Variants in ACVR1 observed in about 807,000 individuals in gnomAD.
The protein encoded by ACVR1 is activin receptor type-1.
A neutral mutation model predicts 57.1 loss-of-function variants in ACVR1; 38 were observed. The observed-to-expected ratio is 0.67, with a 90% confidence interval of 0.51 to 0.87. ACVR1 has a LOEUF of 0.87. Ranked by LOEUF, ACVR1 falls within the 40% of genes least tolerant of loss-of-function variation. The probability of loss-of-function intolerance (pLI) is 0.00; values close to 1 mark genes in which losing one functional copy is unlikely to be tolerated. For synonymous variants in ACVR1, 212 were observed against 228.1 expected, an observed-to-expected ratio of 0.93 and a Z score of 0.63; for missense variants, 463 against 638.2, an observed-to-expected ratio of 0.73 and a Z score of 2.96.
intron 1 of ACVR1, among the ~76,000 whole-genome samples, chr2:157,841,100 T>G (rs1162770861): frequency 6.6e-6 from 1 of 152,240 alleles, no homozygotes; most frequent in Non-Finnish European, 1.5e-5. Flanking sequence ...ACATACATGC[T>G]TACTCAATGC....
At chr2:157,770,101 G>A (rs1686017243) in intron 7 of ACVR1, among the ~76,000 whole-genome samples, 1 of 152,152 alleles carries the variant, frequency 6.6e-6, no homozygotes, top group Admixed American at 6.5e-5. Flanking sequence ...GCAAATTTTT[G>A]TTATTTAAAT....
At chr2:157,738,020 C>A (rs1338801296) in intron 10 of ACVR1, among the ~76,000 whole-genome samples, 1 of 152,136 alleles carries the variant, frequency 6.6e-6, no homozygotes, top group Non-Finnish European at 1.5e-5. Context: ...TTTATACCTG[C>A]TACTACTTAT....
intron 3 of ACVR1, among the ~76,000 whole-genome samples, chr2:157,783,861 T>C (rs1283687450): frequency 6.6e-6 from 1 of 152,188 alleles, no homozygotes; most frequent in Non-Finnish European, 1.5e-5. Context: ...TTTTTATATA[T>C]ACCCAAATAT....
At chr2:157,834,627 T>C (rs1251108341) in intron 1 of ACVR1, among the ~76,000 whole-genome samples, 1 of 152,148 alleles carries the variant, frequency 6.6e-6, no homozygotes. Context: ...TATGAATTCA[T>C]GCAGATGTAT....
intron 1 of ACVR1, among the ~76,000 whole-genome samples, chr2:157,836,705 T>A (rs1190654387): frequency 6.6e-6 from 1 of 152,116 alleles, no homozygotes; most frequent in African/African-American, 2.4e-5. Context: ...GAGTCCCCAG[T>A]CCCTACCGGG....
chr2:157,811,186 T>G (rs962790767), intron 2 of ACVR1, among the ~76,000 whole-genome samples: 4 of 152,184 alleles, frequency 2.6e-5, no homozygotes, highest in African/African-American at 2.4e-5. Flanking sequence ...CCTTCTCAGT[T>G]TCCTTGCATA....
chr2:157,816,536 G>A (rs1687943130), intron 2 of ACVR1, among the ~76,000 whole-genome samples: 1 of 151,954 alleles, frequency 6.6e-6, no homozygotes, highest in Non-Finnish European at 1.5e-5. Flanking sequence ...GTTTGAGGCT[G>A]CAGCGTGCCA....
At chr2:157,835,780 C>T (rs1688762715) in intron 1 of ACVR1, among the ~76,000 whole-genome samples, 1 of 152,212 alleles carries the variant, frequency 6.6e-6, no homozygotes, top group African/African-American at 2.4e-5. Flanking sequence ...GTAGGGTTTA[C>T]TGACAGAACA....
intron 9 of ACVR1, among the ~76,000 whole-genome samples, chr2:157,749,607 A>C (rs1385918682): frequency 1.3e-5 from 2 of 152,162 alleles, no homozygotes; most frequent in African/African-American, 4.8e-5. Flanking sequence ...ACAAAAAAGG[A>C]AGGAGGGTGG....
chr2:157,779,872 G>A (rs1458629552), intron 4 of ACVR1, among the ~76,000 whole-genome samples: 3 of 152,128 alleles, frequency 2.0e-5, no homozygotes, highest in Admixed American at 1.3e-4. Context: ...GGGAGAAGAG[G>A]TCAGTGAGCC....
At chr2:157,815,231 T>C (rs1687890936) in intron 2 of ACVR1, among the ~76,000 whole-genome samples, 1 of 152,206 alleles carries the variant, frequency 6.6e-6, no homozygotes, top group African/African-American at 2.4e-5. Flanking sequence ...ATGTATATTA[T>C]ATGCATGTAT....
chr2:157,789,739 G>A (rs1340244621), intron 3 of ACVR1, among the ~76,000 whole-genome samples: 2 of 152,250 alleles, frequency 1.3e-5, no homozygotes, highest in East Asian at 1.9e-4. Flanking sequence ...TTGGACTACT[G>A]AGAAATAATA....
chr2:157,844,647 C>T (rs528885547), intron 1 of ACVR1, among the ~76,000 whole-genome samples: 1 of 152,018 alleles, frequency 6.6e-6, no homozygotes, highest in Non-Finnish European at 1.5e-5. Context: ...TTCTGAAGCA[C>T]CACAGAGCTA....
At chr2:157,844,869 C>A (rs187004381) in intron 1 of ACVR1, among the ~76,000 whole-genome samples, 1 of 152,126 alleles carries the variant, frequency 6.6e-6, no homozygotes, top group South Asian at 2.1e-4. Context: ...CTGGGCCCCC[C>A]CTTCCACCAT....
chr2:157,818,270 C>T (rs1255918449), intron 2 of ACVR1, 115 bp downstream of exon 2: 1 of 152,134 alleles, frequency 6.6e-6, no homozygotes, highest in Admixed American at 6.5e-5. Context: ...AGAATTTACC[C>T]TGTAGATTTG....
intron 9 of ACVR1, among the ~76,000 whole-genome samples, chr2:157,750,893 T>A (rs1685164259): frequency 6.6e-6 from 1 of 150,906 alleles, no homozygotes; most frequent in Non-Finnish European, 1.5e-5. Context: ...GAAATGGGTA[T>A]CATTAAAAAA....
At chr2:157,817,180 C>T (rs899933342) in intron 2 of ACVR1, among the ~76,000 whole-genome samples, 1 of 151,910 alleles carries the variant, frequency 6.6e-6, no homozygotes, top group African/African-American at 2.4e-5. Context: ...CCAGGCTGGT[C>T]TCAAACTCCT....
At chr2:157,823,462 G>A (rs921842706) in intron 1 of ACVR1, among the ~76,000 whole-genome samples, 8 of 152,174 alleles carry the variant, frequency 5.3e-5, no homozygotes, top group Admixed American at 1.3e-4. Flanking sequence ...AAAAAAAGCC[G>A]GGGAACGAGG....
chr2:157,819,033 C>G (rs1435316408), intron 1 of ACVR1, among the ~76,000 whole-genome samples: 14 of 136,272 alleles, frequency 1.0e-4, no homozygotes, highest in Admixed American at 7.6e-4. Flanking sequence ...AGCCGAGATC[C>G]CGCCACTGCA....
Sources: allele counts gnomAD v4.1 joint callset (sites outside exome capture counted in the v4.1 genomes callset), GRCh38; gene constraint gnomAD v4.1.1; transcripts MANE v1.5; gene names NCBI Gene and HGNC (gene_info 2026-07-23, HGNC 2026-07-21).